The following RAD54L2 variants were observed in gnomAD, a reference collection of about 807,000 sequenced individuals.
The protein encoded by RAD54L2 is RAD54 like 2, also known as helicase ARIP4.
In RAD54L2, 27 loss-of-function variants were observed where a neutral mutation model predicts 138.4. The observed-to-expected ratio is 0.20, with a 90% CI of 0.14 to 0.27. The LOEUF (loss-of-function observed/expected upper bound fraction) is 0.27, where lower values mean the gene tolerates loss of function less well. Among genes scored for constraint, RAD54L2 ranks in the 10% least tolerant of loss-of-function variants. RAD54L2 has a pLI of 1.00. For synonymous variants in RAD54L2, 644 were observed against 723.2 expected (o/e 0.89, Z 1.76); for missense variants, 1,396 against 1,890.2 (o/e 0.74, Z 4.85).
chr3:51,578,377 G>A (rs1361990647), intron 2 of RAD54L2, among the ~76,000 whole-genome samples: 2 of 152,150 alleles, frequency 1.3e-5, no homozygotes, highest in South Asian at 4.1e-4. Flanking sequence ...ACTCATTTGT[G>A]TAATTCAATT....
intron 2 of RAD54L2, among the ~76,000 whole-genome samples, chr3:51,565,975 C>T (rs867553743): frequency 6.6e-6 from 1 of 151,704 alleles, no homozygotes; most frequent in East Asian, 1.9e-4. Flanking sequence ...ACTACAGGCG[C>T]CCGCCACCAT....
intron 2 of RAD54L2, among the ~76,000 whole-genome samples, chr3:51,555,381 A>C (rs1242684826): frequency 6.6e-6 from 1 of 151,482 alleles, no homozygotes; most frequent in Non-Finnish European, 1.5e-5. Context: ...GAAAGGCCAA[A>C]GTGGGCAGAT....
rs188598684 is a variant in RAD54L2 at position 51,608,419 on chromosome 3, C to T, written c.139+17860C>T. Among the ~76,000 whole-genome samples, 1,389 of 152,130 alleles carry T rather than the reference C, an allele frequency of 9.1e-3. 28 individuals are homozygous for T. Among genetic ancestry groups the T allele is most frequent in the African/African-American group, 0.03 (1,225 of 41,492 alleles). On this transcript the variant is annotated intron_variant, in intron 3 of 22. Transcript: ENST00000684192. ...GCAGAGACGCTCCTCACTTCCTAGA[C>T]GGGGTGGCGGCCGGGCAGAGGCTGC... is the stretch of plus-strand genomic sequence containing the variant.
chr3:51,648,100 G>A (rs1163677513), intron 19 of RAD54L2, among the ~76,000 whole-genome samples: 3 of 152,152 alleles, frequency 2.0e-5, no homozygotes, highest in Non-Finnish European at 4.4e-5. Flanking sequence ...CCCAAATACT[G>A]CGCTTTTCCA....
intron 2 of RAD54L2, among the ~76,000 whole-genome samples, chr3:51,586,888 G>T (rs1699722372): frequency 6.6e-6 from 1 of 151,862 alleles, no homozygotes; most frequent in Non-Finnish European, 1.5e-5. Flanking sequence ...TTATCTCAAG[G>T]AGTCTAGGAT....
intron 3 of RAD54L2, among the ~76,000 whole-genome samples, chr3:51,606,579 C>T (rs1474092878): frequency 6.6e-6 from 1 of 152,068 alleles, no homozygotes; most frequent in Non-Finnish European, 1.5e-5. Flanking sequence ...CCTTTTCACC[C>T]ATCAGGAAGC....
At chr3:51,632,830 T>C (rs1259431467) in intron 7 of RAD54L2, among the ~76,000 whole-genome samples, 1 of 146,880 alleles carries the variant, frequency 6.8e-6, no homozygotes, top group African/African-American at 2.5e-5. Flanking sequence ...AAATGGGAGG[T>C]TGCACTGAGC....
At chr3:51,588,952 C>G (rs1407367362) in intron 2 of RAD54L2, among the ~76,000 whole-genome samples, 1 of 152,160 alleles carries the variant, frequency 6.6e-6, no homozygotes, top group East Asian at 1.9e-4. Context: ...TTGGTTTCTG[C>G]TCAGTGAGAA....
chr3:51,629,516 G>C (rs778052259), intron 5 of RAD54L2, 43 bp downstream of exon 5: 10 of 1,602,908 alleles, frequency 6.2e-6, no homozygotes, highest in Non-Finnish European at 8.5e-6. Context: ...GCTTCAGGAG[G>C]AAGAAGCCCT....
rs113036272 is a variant in RAD54L2, at chr3:51,603,051, G to A, written c.139+12492G>A. On this transcript the variant is annotated intron_variant, in intron 3 of 22. Transcript: ENST00000684192. Reference sequence around the variant, plus strand: ...GCCTAGTGGCTTATGCCTGTAATCCGACCACTTTGGGACACTGAGGCAGGA... The same window carrying A: ...GCCTAGTGGCTTATGCCTGTAATCCAACCACTTTGGGACACTGAGGCAGGA... Among the ~76,000 whole-genome samples, 936 of 150,116 alleles carry A rather than the reference G, an allele frequency of 6.2e-3. 7 individuals carry two copies. The highest frequency in any genetic ancestry group is 0.022 in the African/African-American group (880 of 40,770).
intron 1 of RAD54L2, among the ~76,000 whole-genome samples, chr3:51,539,515 T>C (rs1443546489): frequency 6.6e-6 from 1 of 152,172 alleles, no homozygotes; most frequent in Non-Finnish European, 1.5e-5. Context: ...TGATGCACCC[T>C]GACGAGGAGT....
At chr3:51,600,132 C>CG (rs1391034310) in intron 3 of RAD54L2, among the ~76,000 whole-genome samples, 5 of 151,818 alleles carry the variant, frequency 3.3e-5, no homozygotes, top group Non-Finnish European at 7.4e-5. Context: ...TTAGTAGAGA[C>CG]GGGGTTTCAC....
At chr3:51,544,046 A>G (rs1698625560) in intron 2 of RAD54L2, among the ~76,000 whole-genome samples, 1 of 151,982 alleles carries the variant, frequency 6.6e-6, no homozygotes, top group Non-Finnish European at 1.5e-5. Flanking sequence ...TTTTCCTCAA[A>G]TTCCTTTTTA....
Position 51,633,663 on chromosome 3 carries a change from C to T in RAD54L2, c.912C>T (p.Ala304=), listed in dbSNP as rs766093349. 13 of 1,613,778 alleles carry T rather than the reference C, an allele frequency of 8.1e-6. No individual in the cohort carries two copies. The highest frequency in any genetic ancestry group is 1.0e-5 in the Non-Finnish European group (12 of 1,179,870). Residue 304 remains alanine (A), a synonymous_variant, in exon 8 of 23, where the codon GCC becomes GCT. Transcript: ENST00000684192. ...GCAGTGGCTTTGGCTGTATTCTGGC[C>T]CACAGCATGGGTCTGGGGAAAACTT... ...KTSSGFGCIL[A]HSMGLGKTLQ...
Position 51,666,780 on chromosome 3 carries a change from G to A in RAD54L2, c.*3360G>A, listed in dbSNP as rs754436755. ...CATCTCCTGATTTAAGGATAATTCT[G>A]TCTGGTCCTTGGAGCTCTCTTCCCT... On this transcript the variant is annotated 3_prime_UTR_variant, in exon 23 of 23. Transcript: ENST00000684192. The A allele has an allele frequency of 6.6e-6, 1 of 152,092 alleles. No homozygotes were observed. The allele number at this position is 152,092 out of a possible 1,614,324, so 9.4% of individuals were successfully genotyped here. A position where few individuals can be genotyped will look rare whatever the true frequency, so the allele number is the denominator to read the frequency against.
chr3:51,587,971 G>A (rs1409207210), intron 2 of RAD54L2, among the ~76,000 whole-genome samples: 1 of 151,888 alleles, frequency 6.6e-6, no homozygotes, highest in African/African-American at 2.4e-5. Context: ...CACTTTGGGA[G>A]GTCAGGAGAT....
chr3:51,654,787 G>T (rs1226527972), intron 19 of RAD54L2, among the ~76,000 whole-genome samples: 3 of 152,188 alleles, frequency 2.0e-5, no homozygotes, highest in Non-Finnish European at 4.4e-5. Flanking sequence ...CTTAGCTCTG[G>T]CCCTGTGGGG....
chr3:51,565,811 C>A (rs1369262248), intron 2 of RAD54L2, among the ~76,000 whole-genome samples: 4 of 149,272 alleles, frequency 2.7e-5, no homozygotes, highest in Non-Finnish European at 5.9e-5. Flanking sequence ...CATGTAGCCA[C>A]CTTACTGAGC....
At chr3:51,555,108 C>A (rs995042047) in intron 2 of RAD54L2, among the ~76,000 whole-genome samples, 1 of 152,124 alleles carries the variant, frequency 6.6e-6, no homozygotes, top group Non-Finnish European at 1.5e-5. Context: ...CTCCCAAATG[C>A]TGGGATTACA....
Sources: allele counts gnomAD v4.1 joint callset (sites outside exome capture counted in the v4.1 genomes callset), GRCh38; gene constraint gnomAD v4.1.1; transcripts MANE v1.5; gene names NCBI Gene and HGNC (gene_info 2026-07-23, HGNC 2026-07-21).